CSMD3: variants seen among roughly 807,000 people sequenced by gnomAD.
CSMD3 encodes the protein CUB and Sushi multiple domains 3.
Under a neutral mutation model 435.2 loss-of-function variants are expected in CSMD3, and 177 were observed. That is an observed-to-expected ratio of 0.41 (90% confidence interval 0.36 to 0.46). The LOEUF is 0.46. CSMD3 is among the 20% of genes least tolerant of loss of function. The pLI, the probability that CSMD3 is intolerant of heterozygous loss-of-function variation, is 0.34. For missense variants in CSMD3, 4,265 were observed against 4,504.6 expected (o/e 0.95, Z 1.52); for synonymous variants, 1,656 against 1,520.5 (o/e 1.09, Z -2.07).
intron 1 of CSMD3, among the ~76,000 whole-genome samples, chr8:113,429,302 C>G (rs1014056807): frequency 6.6e-6 from 1 of 151,446 alleles, no homozygotes; most frequent in African/African-American, 2.4e-5. Flanking sequence ...ATACATAAAT[C>G]TCATGTAAAT....
At chr8:113,428,204 A>ATATCTGTCTATC (rs1408422291) in intron 1 of CSMD3, among the ~76,000 whole-genome samples, 10 of 146,116 alleles carry the variant, frequency 6.8e-5, no homozygotes, top group African/African-American at 2.5e-4. Flanking sequence ...CAACTGTGGG[A>ATATCTGTCTATC]TATCTATCTA....
chr8:113,084,174 T>C (rs2131468019), intron 5 of CSMD3, among the ~76,000 whole-genome samples: 1 of 152,194 alleles, frequency 6.6e-6, no homozygotes, highest in Non-Finnish European at 1.5e-5. Context: ...ATTATCCTTG[T>C]TTGCAGATGT....
chr8:112,650,832 T>C (rs2075107316), intron 18 of CSMD3, among the ~76,000 whole-genome samples: 1 of 152,260 alleles, frequency 6.6e-6, no homozygotes, highest in Non-Finnish European at 1.5e-5. Context: ...TTAACTGTTG[T>C]TGTTATCAAT....
At chr8:113,122,612 AGAG>A (rs1053249706) in intron 4 of CSMD3, among the ~76,000 whole-genome samples, 1 of 151,084 alleles carries the variant, frequency 6.6e-6, no homozygotes, top group African/African-American at 2.4e-5. Flanking sequence ...TCAGAGAGAG[AGAG>A]ATGTGCTTTT....
chr8:112,691,508 G>GT (rs955284082), intron 13 of CSMD3, among the ~76,000 whole-genome samples: 3 of 151,770 alleles, frequency 2.0e-5, no homozygotes, highest in African/African-American at 4.8e-5. Context: ...GTTGTTGTTT[G>GT]TTTTTTCTTT....
intron 1 of CSMD3, among the ~76,000 whole-genome samples, chr8:113,348,736 G>T (rs1294614870): frequency 1.3e-5 from 2 of 151,600 alleles, no homozygotes; most frequent in Admixed American, 1.3e-4. Context: ...GTTGTTTTGG[G>T]GTTTTTTTAT....
chr8:113,227,362 A>G (rs1554581099), intron 3 of CSMD3, among the ~76,000 whole-genome samples: 1 of 151,612 alleles, frequency 6.6e-6, no homozygotes, highest in Non-Finnish European at 1.5e-5. Flanking sequence ...ATTAAAAGAG[A>G]ATGATTGGCT....
rs866326670 is a variant in CSMD3 at position 113,173,829 on chromosome 8, C to A, written c.602G>T (p.Arg201Leu). ...GTRFDVGDKI[R>L]YSCVTGYILD... is the part of the protein sequence containing the mutation. The stretch of plus-strand genomic sequence containing the variant: ...GATGTATCCAGTTACACAGCTGTAG[C>A]GGATCTTGTCCCCGACGTCGAATCT... Residue 201 changes from arginine (R) to leucine (L), a missense_variant, in exon 4 of 71, where the codon CGC (arginine) becomes CTC (leucine). Coordinates refer to ENST00000297405, the MANE Select transcript of CSMD3 (RefSeq NM_198123.2). The A allele has an allele frequency of 1.2e-6, 2 of 1,613,758 alleles. No individual in the cohort carries two copies. The highest frequency in any genetic ancestry group is 2.2e-5 in the East Asian group (1 of 44,830).
intron 42 of CSMD3, among the ~76,000 whole-genome samples, chr8:112,340,979 GT>G (rs1276663268): frequency 2.0e-5 from 3 of 151,990 alleles, no homozygotes; most frequent in African/African-American, 7.2e-5. Context: ...CAGTAGTTCT[GT>G]TTGAGAGATA....
At chr8:113,038,619 A>T (rs2087462727) in intron 5 of CSMD3, among the ~76,000 whole-genome samples, 2 of 152,158 alleles carry the variant, frequency 1.3e-5, no homozygotes, top group Admixed American at 1.3e-4. Context: ...TATTGTGACA[A>T]GTTGAGTGTG....
At chr8:113,346,239 C>G (rs2094150429) in intron 1 of CSMD3, among the ~76,000 whole-genome samples, 1 of 151,808 alleles carries the variant, frequency 6.6e-6, no homozygotes. Context: ...AGAATATCCT[C>G]AATTTAAATT....
At chr8:112,833,215 A>G (rs1326765414) in intron 11 of CSMD3, among the ~76,000 whole-genome samples, 1 of 152,086 alleles carries the variant, frequency 6.6e-6, no homozygotes, top group Non-Finnish European at 1.5e-5. Flanking sequence ...TTCTAATGGA[A>G]TTGCAGTGAA....
intron 45 of CSMD3, among the ~76,000 whole-genome samples, chr8:112,332,878 C>A (rs944672636): frequency 6.6e-6 from 1 of 152,126 alleles, no homozygotes. Flanking sequence ...ATTCTCAAAA[C>A]GTCTCCTCAG....
rs2129864976 is a variant in CSMD3 at position 112,859,363 on chromosome 8, A to G, written c.1634-97T>C. 5.1e-6 allele frequency: 5 copies of G among 977,764 alleles called. 1 individual carries two copies. The South Asian group carries it at 5.4e-5, about 11-fold the overall frequency. The allele number at this position is 977,764 out of a possible 1,614,324, so 60.6% of individuals were successfully genotyped here. A position where few individuals can be genotyped will look rare whatever the true frequency, so the allele number is the denominator to read the frequency against. ...AAATAGACTTTACATTCAAAATGACACAATTATAACCACATTGAAATATAT... is the reference window on the plus strand; with the variant it reads ...AAATAGACTTTACATTCAAAATGACGCAATTATAACCACATTGAAATATAT... On this transcript the variant is annotated intron_variant, in intron 10 of 70. Coordinates refer to ENST00000297405, the MANE Select transcript of CSMD3 (RefSeq NM_198123.2).
At chr8:112,794,654 A>G (rs1296622225) in intron 13 of CSMD3, among the ~76,000 whole-genome samples, 13 of 152,082 alleles carry the variant, frequency 8.5e-5, no homozygotes. Flanking sequence ...GTAGAGCTGT[A>G]CAGAATTAGG....
intron 5 of CSMD3, among the ~76,000 whole-genome samples, chr8:113,075,233 C>T (rs1442463759): frequency 2.0e-5 from 3 of 151,666 alleles, no homozygotes; most frequent in Non-Finnish European, 4.4e-5. Flanking sequence ...AGAACAATTG[C>T]CATTGACATC....
intron 24 of CSMD3, among the ~76,000 whole-genome samples, chr8:112,564,937 G>T (rs1828946484): frequency 6.6e-6 from 1 of 151,888 alleles, no homozygotes; most frequent in African/African-American, 2.4e-5. Flanking sequence ...TTACATTTAG[G>T]TCTTCAACTT....
At chr8:113,159,420 T>C (rs1039277548) in intron 4 of CSMD3, among the ~76,000 whole-genome samples, 6 of 151,960 alleles carry the variant, frequency 3.9e-5, no homozygotes, top group Non-Finnish European at 5.9e-5. Flanking sequence ...TTTTGTTTTC[T>C]TTTTTTCTAA....
At chr8:112,322,598 CTAAGTGA>C (rs1351758862) in intron 45 of CSMD3, among the ~76,000 whole-genome samples, 2 of 151,952 alleles carry the variant, frequency 1.3e-5, no homozygotes, top group Non-Finnish European at 2.9e-5. Flanking sequence ...ACATTCTTAC[CTAAGTGA>C]TTCCCTTGAT....
Sources: allele counts gnomAD v4.1 joint callset (sites outside exome capture counted in the v4.1 genomes callset), GRCh38; gene constraint gnomAD v4.1.1; transcripts MANE v1.5; gene names NCBI Gene and HGNC (gene_info 2026-07-23, HGNC 2026-07-21).